The following HDHD2 variants were observed in gnomAD, a reference collection of about 807,000 sequenced individuals.
The protein encoded by HDHD2 is haloacid dehalogenase-like hydrolase domain-containing protein 2.
In HDHD2, 26 loss-of-function variants were observed where a neutral mutation model predicts 24.8. The ratio of observed to expected loss-of-function variants is 1.05; its 90% CI spans 0.77 to 1.45. The LOEUF (loss-of-function observed/expected upper bound fraction) is 1.45. HDHD2 is among the 40% of genes most tolerant of loss of function. The probability of loss-of-function intolerance (pLI) is 0.00; values close to 1 mark genes in which losing one functional copy is unlikely to be tolerated. For synonymous variants in HDHD2, 128 were observed against 114.9 expected (o/e 1.11, Z -0.73); for missense variants, 299 against 313.4 (o/e 0.95, Z 0.35).
At chr18:47,138,019 A>G (rs1212885751) in intron 1 of HDHD2, among the ~76,000 whole-genome samples, 1 of 151,862 alleles carries the variant, frequency 6.6e-6, no homozygotes, top group Non-Finnish European at 1.5e-5. Flanking sequence ...TACAAAAATT[A>G]GCTGGGCATG....
intron 4 of HDHD2, among the ~76,000 whole-genome samples, chr18:47,117,608 C>A (rs1271073604): frequency 1.3e-5 from 2 of 152,088 alleles, no homozygotes; most frequent in Non-Finnish European, 2.9e-5. Flanking sequence ...TATAGCAGCA[C>A]AAAATGTAAA....
intron 1 of HDHD2, among the ~76,000 whole-genome samples, chr18:47,147,802 G>A (rs1178528805): frequency 5.9e-5 from 9 of 152,026 alleles, no homozygotes; most frequent in African/African-American, 7.2e-5. Flanking sequence ...TCCATAGAAC[G>A]TACCTTTTAA....
chr18:47,149,086 G>A (rs1228916761), intron 1 of HDHD2: 1 of 152,202 alleles, frequency 6.6e-6, no homozygotes, highest in Non-Finnish European at 1.5e-5. Flanking sequence ...CTCAGAGAAA[G>A]GTTGGGTTAT....
chr18:47,124,034 A>G (rs1200545309), intron 4 of HDHD2, among the ~76,000 whole-genome samples: 1 of 152,272 alleles, frequency 6.6e-6, no homozygotes, highest in African/African-American at 2.4e-5. Context: ...CACTTGATTT[A>G]CGTCAAAAGC....
chr18:47,111,366 C>CT (rs2063514571), intron 6 of HDHD2: 1 of 855,578 alleles, frequency 1.2e-6, no homozygotes, highest in Non-Finnish European at 1.4e-6. Context: ...ATTACATGAG[C>CT]TAAAAAAAAA....
At chr18:47,149,479 G>A (rs1047931450) in intron 1 of HDHD2, among the ~76,000 whole-genome samples, 2 of 152,080 alleles carry the variant, frequency 1.3e-5, no homozygotes, top group African/African-American at 4.8e-5. Flanking sequence ...CTGACCTCTG[G>A]ATAAAGTCTG....
chr18:47,135,642 C>A lies in HDHD2; in HGVS notation c.101+697G>T, dbSNP rs967621272. ...AACATGTACCACATACTAAGTATTG[C>A]TGATTTTGAAAACTTCTCTAAATTA... is the stretch of plus-strand genomic sequence containing the variant. On this transcript the variant is annotated intron_variant, in intron 2 of 6. Coordinates refer to ENST00000300605, the MANE Select transcript of HDHD2 (RefSeq NM_032124.5). 2.6e-5 allele frequency among the ~76,000 whole-genome samples: 4 copies of A among 152,160 alleles called. No individual in the cohort carries two copies. The East Asian group carries it at 5.8e-4, about 22-fold the overall frequency.
At chr18:47,109,922 A>G in intron 6 of HDHD2, 9 of 918,800 alleles carry the variant, frequency 9.8e-6, no homozygotes, top group Non-Finnish European at 1.2e-5. Flanking sequence ...TGACTAGCAC[A>G]TAGTAACTAT....
In HDHD2 at chr18:47,130,504, G is replaced by A. The variant is rs796419894; in HGVS notation, c.311-176C>T. ...TATAAGAGAGTACACAGAAGGAGAG[G>A]GAGAGGGAGATGGGGGTTGGGAGGG... On this transcript the variant is annotated intron_variant, in intron 3 of 6. Transcript: ENST00000300605. 5.3e-5 allele frequency among the ~76,000 whole-genome samples: 8 copies of A among 152,268 alleles called. No homozygotes were observed. In the East Asian group the frequency reaches 1.2e-3, roughly 22 times the overall value.
intron 1 of HDHD2, chr18:47,137,272 T>C (rs575107739): frequency 3.8e-4 from 197 of 523,124 alleles, no homozygotes; most frequent in African/African-American, 3.1e-3. Flanking sequence ...ATACAATGGA[T>C]GTGTTCCAGT....
chr18:47,112,896 AT>A (rs1379698683), intron 6 of HDHD2, 80 bp downstream of exon 6: 5 of 1,207,172 alleles, frequency 4.1e-6, no homozygotes, highest in Non-Finnish European at 6.1e-6. Flanking sequence ...GGGCTCTGCC[AT>A]TTCTGCAAAG....
At chr18:47,136,302 A>C in intron 2 of HDHD2, 37 bp downstream of exon 2, 1 of 1,611,696 alleles carries the variant, frequency 6.2e-7, no homozygotes, top group Non-Finnish European at 8.5e-7. Flanking sequence ...TGGCACTTAC[A>C]AACATATTTG....
At chr18:47,127,507 A>G (rs778831644) in intron 4 of HDHD2, among the ~76,000 whole-genome samples, 4 of 152,080 alleles carry the variant, frequency 2.6e-5, no homozygotes, top group Non-Finnish European at 4.4e-5. Flanking sequence ...TAATTTTGTG[A>G]TTAGATATTT....
chr18:47,136,406 C>T lies in HDHD2; in HGVS notation c.34G>A (p.Val12Ile). The change falls in exon 2 of 7, where the codon GTA becomes ATA. Residue 12 changes from valine to isoleucine, a missense_variant. By Grantham distance (29) the Val-to-Ile change is conservative (BLOSUM62 3). Coordinates refer to ENST00000300605, the MANE Select transcript of HDHD2 (RefSeq NM_032124.5). ...AACRALKAVL[V>I]DLSGTLHIED... ...ATGTGAAGTGTGCCACTGAGATCTACCAAAACAGCTTTTAATGCACGGCAT... is the reference window on the plus strand; with the variant it reads ...ATGTGAAGTGTGCCACTGAGATCTATCAAAACAGCTTTTAATGCACGGCAT... The T allele has an allele frequency of 6.2e-7, 1 of 1,613,060 alleles. No individual in the cohort carries two copies. Among genetic ancestry groups the T allele is most frequent in the Non-Finnish European group, 8.5e-7 (1 of 1,179,900 alleles).
intron 4 of HDHD2, among the ~76,000 whole-genome samples, chr18:47,122,998 GAAGT>G (rs1376260281): frequency 5.3e-5 from 8 of 152,106 alleles, no homozygotes; most frequent in Non-Finnish European, 8.8e-5. Context: ...CCTGAATTTA[GAAGT>G]AAGATAAGGC....
intron 6 of HDHD2, chr18:47,109,260 G>C (rs940868331): frequency 6.5e-6 from 1 of 154,600 alleles, no homozygotes; most frequent in Non-Finnish European, 1.4e-5. Flanking sequence ...AGAACGCCCT[G>C]GGTTGGGGAG....
intron 3 of HDHD2, among the ~76,000 whole-genome samples, chr18:47,133,876 G>A (rs571637863): frequency 1.1e-4 from 16 of 152,116 alleles, no homozygotes; most frequent in Admixed American, 2.6e-4. Flanking sequence ...CTGGATATTA[G>A]CCTTTTGTCA....
chr18:47,149,343 TG>T (rs1265203748), intron 1 of HDHD2, among the ~76,000 whole-genome samples: 1 of 152,182 alleles, frequency 6.6e-6, no homozygotes, highest in Non-Finnish European at 1.5e-5. Flanking sequence ...CTAAAACCCC[TG>T]GGAAGTACAA....
At chr18:47,143,191 C>T (rs1238251144) in intron 1 of HDHD2, among the ~76,000 whole-genome samples, 1 of 152,128 alleles carries the variant, frequency 6.6e-6, no homozygotes, top group African/African-American at 2.4e-5. Context: ...GTGGCTCGCA[C>T]CTGTAATCCC....
Sources: allele counts gnomAD v4.1 joint callset (sites outside exome capture counted in the v4.1 genomes callset), GRCh38; gene constraint gnomAD v4.1.1; transcripts MANE v1.5; gene names NCBI Gene and HGNC (gene_info 2026-07-23, HGNC 2026-07-21).